CERS6: variants seen among roughly 807,000 people sequenced by gnomAD.
The protein encoded by CERS6 is LAG1 homolog, ceramide synthase 6.
CERS6 carries 26 observed loss-of-function variants against 56.8 expected under a neutral mutation model. The ratio of observed to expected loss-of-function variants is 0.46; its 90% CI spans 0.34 to 0.63. CERS6 has a LOEUF of 0.63. CERS6 is among the 30% of genes least tolerant of loss of function. The pLI is 0.01. For synonymous variants in CERS6, 164 were observed against 173.3 expected (o/e 0.95, Z 0.42); for missense variants, 415 against 467.5 (o/e 0.89, Z 1.04).
intron 1 of CERS6, among the ~76,000 whole-genome samples, chr2:168,522,016 C>T (rs1002632213): frequency 1.3e-5 from 2 of 152,104 alleles, no homozygotes; most frequent in Non-Finnish European, 2.9e-5. Flanking sequence ...CTTTAAGGTT[C>T]GTGTGCCTGG....
intron 4 of CERS6, among the ~76,000 whole-genome samples, chr2:168,675,350 C>T (rs28815555): frequency 2.0e-5 from 3 of 151,924 alleles, no homozygotes; most frequent in African/African-American, 7.2e-5. Flanking sequence ...TTTGGGAGGC[C>T]GAGGCAGTTA....
Position 168,649,266 on chromosome 2 carries a change from C to G in CERS6, c.465+18224C>G, listed in dbSNP as rs574383933. Among the ~76,000 whole-genome samples the G allele has an allele frequency of 4.6e-5, 7 of 151,484 alleles. No homozygotes were observed. The South Asian group carries it at 1.5e-3, about 31-fold the overall frequency. ...TCCACTTAAAACAGAAGGAAACAGT[C>G]TCAGAGAGGTTATGTAACCTTAAGT... On this transcript the variant is annotated intron_variant, in intron 4 of 9. Transcript: ENST00000305747.
intron 4 of CERS6, among the ~76,000 whole-genome samples, chr2:168,670,971 C>CCA (rs1553506514): frequency 1.8e-5 from 1 of 57,000 alleles, no homozygotes; most frequent in Non-Finnish European, 7.6e-5. Flanking sequence ...ATGCTTCCCC[C>CCA]CCCCCCCCCA....
chr2:168,474,274 T>C (rs1364844136), intron 1 of CERS6, among the ~76,000 whole-genome samples: 2 of 152,216 alleles, frequency 1.3e-5, no homozygotes, highest in Admixed American at 6.5e-5. Context: ...TAGGAAACAA[T>C]GCAGTAACTT....
intron 3 of CERS6, among the ~76,000 whole-genome samples, chr2:168,617,409 C>CA (rs571103866): frequency 4.6e-5 from 7 of 150,654 alleles, no homozygotes; most frequent in South Asian, 2.1e-4. Context: ...GAAATTGAAA[C>CA]AAAAAAAATT....
chr2:168,696,768 C>T (rs1686658104), intron 6 of CERS6, among the ~76,000 whole-genome samples: 1 of 152,110 alleles, frequency 6.6e-6, no homozygotes, highest in South Asian at 2.1e-4. Flanking sequence ...GGGCTTCTGC[C>T]AAAAGGCCCC....
At chr2:168,712,376 A>T (rs1412212645) in intron 6 of CERS6, among the ~76,000 whole-genome samples, 5 of 152,240 alleles carry the variant, frequency 3.3e-5, no homozygotes, top group Admixed American at 3.3e-4. Context: ...GTTTATGAAG[A>T]CATCTGTAAG....
At chr2:168,485,231 C>T (rs1176842148) in intron 1 of CERS6, among the ~76,000 whole-genome samples, 1 of 150,944 alleles carries the variant, frequency 6.6e-6, no homozygotes, top group Non-Finnish European at 1.5e-5. Context: ...TTTACAGGAA[C>T]ATGAATGGCA....
intron 2 of CERS6, among the ~76,000 whole-genome samples, chr2:168,554,243 A>T (rs1695635913): frequency 7.3e-6 from 1 of 137,490 alleles, no homozygotes; most frequent in South Asian, 2.4e-4. Context: ...ACTTATAATC[A>T]TATTAATACA....
At chr2:168,576,244 A>G (rs1683266726) in intron 3 of CERS6, among the ~76,000 whole-genome samples, 2 of 152,300 alleles carry the variant, frequency 1.3e-5, no homozygotes, top group Non-Finnish European at 2.9e-5. Context: ...AGTAATGGCA[A>G]CAGCCCAATG....
intron 3 of CERS6, among the ~76,000 whole-genome samples, chr2:168,582,506 A>G (rs1683440950): frequency 6.6e-6 from 1 of 152,180 alleles, no homozygotes; most frequent in Non-Finnish European, 1.5e-5. Flanking sequence ...TGACTAGCCT[A>G]GCCTGCTGTG....
At chr2:168,740,815 T>C (rs1433364111) in intron 8 of CERS6, among the ~76,000 whole-genome samples, 1 of 152,256 alleles carries the variant, frequency 6.6e-6, no homozygotes, top group Non-Finnish European at 1.5e-5. Context: ...TTATGATCAC[T>C]TTAAAACAAG....
At chr2:168,645,528 T>A (rs1435023704) in intron 4 of CERS6, among the ~76,000 whole-genome samples, 1 of 152,240 alleles carries the variant, frequency 6.6e-6, no homozygotes, top group East Asian at 1.9e-4. Context: ...TAATTTTATT[T>A]AAAAAAATCT....
chr2:168,552,356 AC>A (rs1285488186), intron 2 of CERS6, among the ~76,000 whole-genome samples: 2 of 106,662 alleles, frequency 1.9e-5, no homozygotes, highest in Admixed American at 1.0e-4. Context: ...GTATACACAC[AC>A]ACACACACAC....
intron 1 of CERS6, among the ~76,000 whole-genome samples, chr2:168,532,013 A>G (rs1209034191): frequency 6.6e-6 from 1 of 152,214 alleles, no homozygotes; most frequent in African/African-American, 2.4e-5. Context: ...TTGTAAGCAT[A>G]GTAACTAGGG....
chr2:168,758,430 G>GT (rs1204369475), intron 8 of CERS6, among the ~76,000 whole-genome samples: 2 of 152,136 alleles, frequency 1.3e-5, no homozygotes, highest in African/African-American at 2.4e-5. Context: ...ATTATTGTGG[G>GT]TTTTTTTAGA....
chr2:168,510,093 TAA>T (rs10629640), intron 1 of CERS6, among the ~76,000 whole-genome samples: 87 of 140,002 alleles, frequency 6.2e-4, no homozygotes, highest in African/African-American at 1.6e-3. Flanking sequence ...TAATAATTGG[TAA>T]AAAAAAAAAA....
At chr2:168,711,950 A>G (rs1477971906) in intron 6 of CERS6, among the ~76,000 whole-genome samples, 1 of 125,156 alleles carries the variant, frequency 8.0e-6, no homozygotes, top group Non-Finnish European at 2.0e-5. Context: ...CAGACAAACC[A>G]AACAAAAAAA....
intron 3 of CERS6, among the ~76,000 whole-genome samples, chr2:168,616,420 T>C (rs1352193122): frequency 2.6e-5 from 4 of 152,130 alleles, no homozygotes; most frequent in Admixed American, 6.5e-5. Flanking sequence ...GCCTAAGTGC[T>C]CCACTTAAAA....
Sources: allele counts gnomAD v4.1 joint callset (sites outside exome capture counted in the v4.1 genomes callset), GRCh38; gene constraint gnomAD v4.1.1; transcripts MANE v1.5; gene names NCBI Gene and HGNC (gene_info 2026-07-23, HGNC 2026-07-21).